Variants in STXBP5L observed in about 807,000 individuals in gnomAD.
STXBP5L encodes syntaxin-binding protein 5-like.
STXBP5L carries 65 observed loss-of-function variants against 144.5 expected under a neutral mutation model. The observed-to-expected ratio is 0.45, with a 90% CI of 0.37 to 0.55. STXBP5L has a LOEUF of 0.55. Ranked by LOEUF, STXBP5L falls within the 20% of genes least tolerant of loss-of-function variation. The pLI is 0.00. For synonymous variants in STXBP5L, 505 were observed against 469.6 expected, an observed-to-expected ratio of 1.08 and a Z score of -0.97; for missense variants, 1,298 against 1,405.5, an observed-to-expected ratio of 0.92 and a Z score of 1.22.
At chr3:121,401,400 A>G (rs991436068) in intron 22 of STXBP5L, among the ~76,000 whole-genome samples, 8 of 150,612 alleles carry the variant, frequency 5.3e-5, no homozygotes, top group Admixed American at 4.0e-4. Flanking sequence ...CTGGGTATAT[A>G]CCCAAAGGAC....
chr3:120,932,218 A>T (rs1394580354), intron 2 of STXBP5L, among the ~76,000 whole-genome samples: 1 of 152,210 alleles, frequency 6.6e-6, no homozygotes, highest in Non-Finnish European at 1.5e-5. Flanking sequence ...AAATGTCATT[A>T]TGCAGCACAT....
intron 7 of STXBP5L, among the ~76,000 whole-genome samples, chr3:121,149,789 A>G (rs1192739797): frequency 3.3e-5 from 5 of 152,114 alleles, no homozygotes; most frequent in Non-Finnish European, 7.4e-5. Flanking sequence ...ATATAAACAT[A>G]TACTCGAATA....
chr3:121,031,809 G>T (rs1946387943), intron 3 of STXBP5L, among the ~76,000 whole-genome samples: 1 of 152,040 alleles, frequency 6.6e-6, no homozygotes, highest in Non-Finnish European at 1.5e-5. Context: ...TTAAGAATGG[G>T]CAAAAATAGA....
intron 2 of STXBP5L, among the ~76,000 whole-genome samples, chr3:120,928,509 CCTT>C (rs778279054): frequency 7.9e-5 from 12 of 152,174 alleles, no homozygotes; most frequent in Non-Finnish European, 1.6e-4. Context: ...GATCTGCCCT[CCTT>C]GGCCTCCCAA....
chr3:121,182,448 A>C (rs888520081), intron 9 of STXBP5L, among the ~76,000 whole-genome samples: 1 of 152,198 alleles, frequency 6.6e-6, no homozygotes, highest in Non-Finnish European at 1.5e-5. Flanking sequence ...ATCAAGATTT[A>C]AATTTAGAAA....
chr3:121,398,834 G>A (rs1170111817), intron 22 of STXBP5L, among the ~76,000 whole-genome samples: 1 of 152,108 alleles, frequency 6.6e-6, no homozygotes, highest in African/African-American at 2.4e-5. Context: ...ATATTTCCCT[G>A]CTGATCTGGG....
At chr3:121,038,090 T>G (rs2107536042) in intron 3 of STXBP5L, among the ~76,000 whole-genome samples, 1 of 152,124 alleles carries the variant, frequency 6.6e-6, no homozygotes, top group East Asian at 1.9e-4. Flanking sequence ...TTTTTCAAAC[T>G]AGGTTTTGGT....
At chr3:121,165,373 T>A (rs1183991640) in intron 9 of STXBP5L, among the ~76,000 whole-genome samples, 1 of 152,178 alleles carries the variant, frequency 6.6e-6, no homozygotes, top group Non-Finnish European at 1.5e-5. Context: ...TATGATGATA[T>A]TATACAATGT....
chr3:121,175,750 A>G (rs2046907822), intron 9 of STXBP5L, among the ~76,000 whole-genome samples: 1 of 152,062 alleles, frequency 6.6e-6, no homozygotes, highest in Non-Finnish European at 1.5e-5. Flanking sequence ...AAACATGCCA[A>G]TTAAAAGACA....
At chr3:121,387,586 G>T (rs920806254) in intron 22 of STXBP5L, among the ~76,000 whole-genome samples, 1 of 152,132 alleles carries the variant, frequency 6.6e-6, no homozygotes, top group Non-Finnish European at 1.5e-5. Flanking sequence ...TTTGTTTAAG[G>T]TGTAAGGAAA....
intron 9 of STXBP5L, among the ~76,000 whole-genome samples, chr3:121,194,929 T>C (rs1314000287): frequency 2.1e-5 from 3 of 141,974 alleles, no homozygotes; most frequent in African/African-American, 5.3e-5. Flanking sequence ...TTTTTTTTTT[T>C]TTTTTGAGAT....
chr3:121,408,725 T>C (rs1463394456), intron 23 of STXBP5L, among the ~76,000 whole-genome samples: 1 of 151,954 alleles, frequency 6.6e-6, no homozygotes, highest in South Asian at 2.1e-4. Flanking sequence ...TCTAGCCATG[T>C]GTTAGGACAT....
intron 20 of STXBP5L, among the ~76,000 whole-genome samples, chr3:121,344,014 G>A (rs1487106234): frequency 6.6e-6 from 1 of 152,098 alleles, no homozygotes; most frequent in Non-Finnish European, 1.5e-5. Flanking sequence ...CAAAGCTACA[G>A]TAACCAAAAC....
chr3:121,100,017 A>G (rs1327427084), intron 5 of STXBP5L, among the ~76,000 whole-genome samples: 1 of 152,220 alleles, frequency 6.6e-6, no homozygotes, highest in Non-Finnish European at 1.5e-5. Flanking sequence ...ACATTACATA[A>G]TGATAAAGGG....
At chr3:121,386,033 T>C (rs1287729595) in intron 22 of STXBP5L, among the ~76,000 whole-genome samples, 2 of 152,206 alleles carry the variant, frequency 1.3e-5, no homozygotes, top group East Asian at 3.8e-4. Flanking sequence ...GGTCTTTTGA[T>C]ATAAGATGGG....
intron 5 of STXBP5L, among the ~76,000 whole-genome samples, chr3:121,082,221 G>T (rs2042279367): frequency 6.6e-6 from 1 of 151,894 alleles, no homozygotes; most frequent in South Asian, 2.1e-4. Context: ...TTATATCATT[G>T]CTTATGTTGA....
chr3:121,415,168 T>G (rs1388924919), intron 24 of STXBP5L, among the ~76,000 whole-genome samples: 1 of 152,164 alleles, frequency 6.6e-6, no homozygotes, highest in Non-Finnish European at 1.5e-5. Context: ...ACACTGATGG[T>G]TCTTCAACTT....
rs1436251767 is a variant in STXBP5L, at chr3:121,303,610, A to G, written c.2111-14865A>G. 2.0e-5 allele frequency among the ~76,000 whole-genome samples: 3 copies of G among 152,218 alleles called. No individual in the cohort carries two copies. The East Asian group carries it at 5.8e-4, about 29-fold the overall frequency. On this transcript the variant is annotated intron_variant, in intron 19 of 26. Transcript: ENST00000471454. ...TTACTGCAGCACTATTCACAATAGC[A>G]AAGACTTGGAACCAACCCAAATGTC...
intron 20 of STXBP5L, among the ~76,000 whole-genome samples, chr3:121,370,515 C>T (rs553222643): frequency 6.6e-6 from 1 of 152,292 alleles, no homozygotes; most frequent in African/African-American, 2.4e-5. Flanking sequence ...AACTAAACAC[C>T]TTTTCTTGAT....
Sources: gnomAD v4.1 joint callset for allele counts (sites outside exome capture counted in the v4.1 genomes callset) on GRCh38, gnomAD v4.1.1 for gene constraint, MANE v1.5 for transcripts, NCBI Gene and HGNC (gene_info 2026-07-23, HGNC 2026-07-21) for gene names.